Variants in B4GALT6 observed in about 807,000 individuals in gnomAD.
B4GALT6 encodes beta-1,4-galactosyltransferase 6.
A neutral mutation model predicts 46.3 loss-of-function variants in B4GALT6; 14 were observed. The observed-to-expected ratio is 0.30, with a 90% CI of 0.20 to 0.47. B4GALT6 has a LOEUF of 0.47. Among genes scored for constraint, B4GALT6 ranks in the 20% least tolerant of loss-of-function variants. The pLI is 0.99. For missense variants in B4GALT6, 386 were observed against 480.1 expected, an observed-to-expected ratio of 0.80 and a Z score of 1.83; for synonymous variants, 168 against 162.0, an observed-to-expected ratio of 1.04 and a Z score of -0.28.
intron 4 of B4GALT6, among the ~76,000 whole-genome samples, chr18:31,641,036 G>A (rs966837937): frequency 6.6e-6 from 1 of 152,182 alleles, no homozygotes; most frequent in Non-Finnish European, 1.5e-5. Context: ...ATTTGGCCAC[G>A]AGTTGGCCAC....
rs1264986966 is a variant in B4GALT6, at chr18:31,625,419, G to A, written c.*195C>T. On this transcript the variant is annotated 3_prime_UTR_variant, in exon 9 of 9. Transcript: ENST00000306851. ...CCGTTTCTGCGGTGCTCGCCACAGGGGTGTGTCTCAGAGCAGGGAGGACGG... is the reference window on the plus strand; with the variant it reads ...CCGTTTCTGCGGTGCTCGCCACAGGAGTGTGTCTCAGAGCAGGGAGGACGG... The A allele has an allele frequency of 3.1e-5, 16 of 524,214 alleles. No homozygotes were observed. The Admixed American group carries it at 5.1e-4, about 17-fold the overall frequency. 32.5% of individuals were successfully genotyped at this position (524,214 alleles called of 1,614,324 possible).
At chr18:31,688,717 G>A (rs781704025), upstream of B4GALT6, among the ~76,000 whole-genome samples, 1 of 152,056 alleles carries the variant, frequency 6.6e-6, no homozygotes, top group Non-Finnish European at 1.5e-5. Flanking sequence ...GGTTGGTATG[G>A]CAAGTATTAT....
At chr18:31,685,535 C>A (rs2074538136), upstream of B4GALT6, 2 of 151,840 alleles carry the variant, frequency 1.3e-5, no homozygotes, top group Non-Finnish European at 2.9e-5. Flanking sequence ...GCCCGAAACA[C>A]CGCGCGTCCT....
chr18:31,670,104 A>G (rs959087939), intron 1 of B4GALT6, among the ~76,000 whole-genome samples: 10 of 150,234 alleles, frequency 6.7e-5, no homozygotes, highest in Non-Finnish European at 1.3e-4. Context: ...TCCAGGTTGG[A>G]GTGCGGTAGC....
rs1022274264 is a variant in B4GALT6 at position 31,623,565 on chromosome 18, T to C, written c.*2049A>G. ...ATGTTAACATTCTCAATCTCTTTCA[T>C]TGACTTTAAAAACTATGTAATAGAA... is the stretch of plus-strand genomic sequence containing the variant. On this transcript the variant is annotated 3_prime_UTR_variant, in exon 9 of 9. Coordinates refer to ENST00000306851, the MANE Select transcript of B4GALT6 (RefSeq NM_004775.5). 3.0e-4 allele frequency: 46 copies of C among 152,406 alleles called. No individual in the cohort carries two copies. Among genetic ancestry groups the C allele is most frequent in the African/African-American group, 8.2e-4 (34 of 41,426 alleles). 9.4% of individuals were successfully genotyped at this position (152,406 alleles called of 1,614,324 possible).
At chr18:31,695,876 G>A in the B4GALT6 span, among the ~76,000 whole-genome samples, 1 of 152,136 alleles carries the variant, frequency 6.6e-6, no homozygotes. Context: ...AAATAGACCA[G>A]GAATAACTCC....
chr18:31,629,672 AC>A lies in B4GALT6; in HGVS notation c.776+1286del, dbSNP rs536892959. On this transcript the variant is annotated intron_variant, in intron 6 of 8. Coordinates refer to ENST00000306851, the MANE Select transcript of B4GALT6 (RefSeq NM_004775.5). ...AGACTATCTTGGCTAACACAGTGAAACCCCGTCTCTACTAAAAATACAAAAA... is the reference window on the plus strand; with the variant it reads ...AGACTATCTTGGCTAACACAGTGAAACCCGTCTCTACTAAAAATACAAAAA... Among the ~76,000 whole-genome samples, 334 of 150,116 alleles carry A rather than the reference AC, an allele frequency of 2.2e-3. 3 individuals are homozygous for A. The highest frequency in any genetic ancestry group is 7.7e-3 in the African/African-American group (316 of 41,038).
At chr18:31,717,847 G>A in the B4GALT6 span, among the ~76,000 whole-genome samples, 1 of 151,770 alleles carries the variant, frequency 6.6e-6, no homozygotes, top group Non-Finnish European at 1.5e-5. Flanking sequence ...CCAGCTACTC[G>A]GGAGGCTGAG....
intron 1 of B4GALT6, among the ~76,000 whole-genome samples, chr18:31,680,901 C>T (rs560574578): frequency 6.6e-6 from 1 of 152,280 alleles, no homozygotes; most frequent in South Asian, 2.1e-4. Context: ...TTTCTAGAAG[C>T]TTTGCTCATG....
chr18:31,692,057 GA>G, the B4GALT6 span, among the ~76,000 whole-genome samples: 2 of 151,706 alleles, frequency 1.3e-5, no homozygotes, highest in African/African-American at 2.4e-5. Context: ...TTAGGTCAAA[GA>G]AAAAAATACA....
In B4GALT6 at chr18:31,684,294, G is replaced by A. The variant is rs368863791; in HGVS notation, c.115+18C>T. On this transcript the variant is annotated intron_variant, in intron 1 of 8. Transcript: ENST00000306851. ...TGTGGTGTGACCAGGGGAAGCGAGG[G>A]TGTGTCTCGGTGCTTACCGATGCCT... 1.2e-5 allele frequency: 20 copies of A among 1,613,022 alleles called. No individual in the cohort carries two copies. The African/African-American group carries it at 2.5e-4, about 20-fold the overall frequency.
rs748538956 is a variant in B4GALT6, at chr18:31,627,031, T to A, written c.867A>T (p.Gly289=). ...KINGFPNAFW[G]WGGEDDDLWN... is the part of the protein sequence containing the mutation. Reference sequence around the variant, plus strand: ...AAAGGTCATCATCTTCTCCTCCCCATCCCCAGAAGGCATTAGGAAAACCAT... The same window carrying A: ...AAAGGTCATCATCTTCTCCTCCCCAACCCCAGAAGGCATTAGGAAAACCAT... Residue 289 remains glycine, a synonymous_variant, in exon 7 of 9, where the codon GGA becomes GGT. Coordinates refer to ENST00000306851, the MANE Select transcript of B4GALT6 (RefSeq NM_004775.5). The A allele has an allele frequency of 3.7e-6, 6 of 1,611,394 alleles. No individual in the cohort carries two copies. In the South Asian group the frequency reaches 6.7e-5, roughly 18 times the overall value.
intron 2 of B4GALT6, among the ~76,000 whole-genome samples, chr18:31,661,024 GC>G (rs1194878932): frequency 6.6e-6 from 1 of 152,208 alleles, no homozygotes. Context: ...CAACTCATGT[GC>G]CTAAGGGAAA....
intron 1 of B4GALT6, among the ~76,000 whole-genome samples, chr18:31,677,420 AC>A (rs1453110985): frequency 6.6e-6 from 1 of 152,224 alleles, no homozygotes. Context: ...CTGGCCTAAT[AC>A]AGGATGTAAA....
the B4GALT6 span, among the ~76,000 whole-genome samples, chr18:31,708,580 A>AAAATT: frequency 6.7e-6 from 1 of 149,948 alleles, no homozygotes; most frequent in Non-Finnish European, 1.5e-5. Context: ...AAATAAAAAT[A>AAAATT]AAAATTAAAA....
chr18:31,690,769 C>T (rs1170788646), upstream of B4GALT6, among the ~76,000 whole-genome samples: 1 of 152,194 alleles, frequency 6.6e-6, no homozygotes, highest in Non-Finnish European at 1.5e-5. Context: ...CCATGCCCAG[C>T]CCCCAGTCAT....
At chr18:31,698,154 A>G in the B4GALT6 span, among the ~76,000 whole-genome samples, 1 of 151,908 alleles carries the variant, frequency 6.6e-6, no homozygotes, top group African/African-American at 2.4e-5. Context: ...CTTCATCTCT[A>G]TATGCTTCAT....
At chr18:31,691,477 G>A in the B4GALT6 span, among the ~76,000 whole-genome samples, 1 of 151,678 alleles carries the variant, frequency 6.6e-6, no homozygotes, top group Non-Finnish European at 1.5e-5. Flanking sequence ...ATGAAAGATA[G>A]TATACTATGA....
At chr18:31,707,845 A>G in the B4GALT6 span, among the ~76,000 whole-genome samples, 2 of 152,218 alleles carry the variant, frequency 1.3e-5, no homozygotes, top group Non-Finnish European at 2.9e-5. Flanking sequence ...ACATATATAC[A>G]TACATATTCA....
Sources: allele counts gnomAD v4.1 joint callset (sites outside exome capture counted in the v4.1 genomes callset), GRCh38; gene constraint gnomAD v4.1.1; transcripts MANE v1.5; gene names NCBI Gene and HGNC (gene_info 2026-07-23, HGNC 2026-07-21).